CSMD1: variants seen among roughly 807,000 people sequenced by gnomAD.
CSMD1 encodes CUB and sushi domain-containing protein 1.
A neutral mutation model predicts 417.5 loss-of-function variants in CSMD1; 213 were observed. That is an observed-to-expected ratio of 0.51 (90% CI 0.46 to 0.57). The LOEUF (loss-of-function observed/expected upper bound fraction) is 0.57, where lower values mean the gene tolerates loss of function less well. Ranked by LOEUF, CSMD1 falls within the 20% of genes least tolerant of loss-of-function variation. The pLI is 0.00. For missense variants in CSMD1, 6,923 were observed against 4,529.7 expected (o/e 1.53, Z -15.17); for synonymous variants, 2,862 against 1,736.8 (o/e 1.65, Z -16.11).
At chr8:4,172,979 G>C (rs1234452225) in intron 3 of CSMD1, among the ~76,000 whole-genome samples, 5 of 152,134 alleles carry the variant, frequency 3.3e-5, no homozygotes, top group African/African-American at 4.8e-5. Context: ...ACCATGCTCA[G>C]ATTCCTGACC....
chr8:3,259,174 A>G (rs1800874113), intron 26 of CSMD1, among the ~76,000 whole-genome samples: 1 of 152,242 alleles, frequency 6.6e-6, no homozygotes. Context: ...TCTTATTAGT[A>G]TGGACTCATA....
intron 3 of CSMD1, among the ~76,000 whole-genome samples, chr8:4,199,390 GT>G (rs1799521743): frequency 6.6e-6 from 1 of 152,204 alleles, no homozygotes; most frequent in Non-Finnish European, 1.5e-5. Flanking sequence ...GTGTGGTGGA[GT>G]GAAAAGAATG....
At chr8:3,567,187 A>G (rs551295242) in intron 10 of CSMD1, among the ~76,000 whole-genome samples, 33 of 152,296 alleles carry the variant, frequency 2.2e-4, no homozygotes, top group African/African-American at 5.8e-4. Flanking sequence ...CAAATACTGC[A>G]TGTTCTCACT....
At chr8:4,741,173 AT>A (rs1810579883) in intron 1 of CSMD1, among the ~76,000 whole-genome samples, 1 of 152,144 alleles carries the variant, frequency 6.6e-6, no homozygotes, top group South Asian at 2.1e-4. Context: ...CTAGACACTT[AT>A]GTAAGTGTCA....
chr8:4,690,949 G>GTGAAAGA (rs1806726274), intron 1 of CSMD1, among the ~76,000 whole-genome samples: 1 of 152,114 alleles, frequency 6.6e-6, no homozygotes, highest in Non-Finnish European at 1.5e-5. Context: ...GGCTGGTCTT[G>GTGAAAGA]CTCTCTTGAG....
intron 3 of CSMD1, among the ~76,000 whole-genome samples, chr8:4,341,733 G>A (rs542245759): frequency 2.6e-5 from 4 of 152,224 alleles, no homozygotes; most frequent in African/African-American, 9.6e-5. Context: ...CAACAAATTA[G>A]AATTAGGCAG....
chr8:3,440,299 T>G lies in CSMD1; in HGVS notation c.1561+28413A>C, dbSNP rs569651768. The stretch of plus-strand genomic sequence containing the variant: ...ACATGAACATACTATATCTCTCTAC[T>G]TATTTTGATCTTTGGTTTCTTTCAA... On this transcript the variant is annotated intron_variant, in intron 12 of 69. Transcript: ENST00000635120. Among the ~76,000 whole-genome samples, 20 of 152,332 alleles carry G rather than the reference T, an allele frequency of 1.3e-4. No homozygotes were observed. In the South Asian group the frequency reaches 3.9e-3, roughly 30 times the overall value.
At chr8:4,128,933 G>C (rs954268083) in intron 3 of CSMD1, among the ~76,000 whole-genome samples, 2 of 151,696 alleles carry the variant, frequency 1.3e-5, no homozygotes, top group Non-Finnish European at 2.9e-5. Flanking sequence ...TGTTTTAGCC[G>C]GGCATGGTGG....
intron 3 of CSMD1, among the ~76,000 whole-genome samples, chr8:4,167,021 G>C (rs1797495644): frequency 6.6e-6 from 1 of 152,254 alleles, no homozygotes; most frequent in Middle Eastern, 3.4e-3. Flanking sequence ...ATCTTTTTGT[G>C]TTTCCCAGGG....
chr8:4,992,157 C>T (rs542687811), intron 1 of CSMD1, among the ~76,000 whole-genome samples: 1 of 152,294 alleles, frequency 6.6e-6, no homozygotes, highest in South Asian at 2.1e-4. Context: ...GACTTTGCAA[C>T]CCCTGCCCTG....
chr8:3,200,388 C>G (rs1796931551), intron 32 of CSMD1, among the ~76,000 whole-genome samples: 1 of 151,624 alleles, frequency 6.6e-6, no homozygotes, highest in Admixed American at 6.6e-5. Context: ...AACCACGTCT[C>G]TACTAAAAAT....
At chr8:3,635,735 G>A (rs1370903795) in intron 7 of CSMD1, among the ~76,000 whole-genome samples, 1 of 144,616 alleles carries the variant, frequency 6.9e-6, no homozygotes, top group African/African-American at 2.6e-5. Flanking sequence ...TGCCCGCCTC[G>A]GCCTCCCGAA....
intron 3 of CSMD1, among the ~76,000 whole-genome samples, chr8:4,116,267 T>C (rs746803844): frequency 6.6e-6 from 1 of 152,226 alleles, no homozygotes; most frequent in South Asian, 2.1e-4. Context: ...GTGCTGGGAT[T>C]ACAAGTGTGA....
intron 4 of CSMD1, among the ~76,000 whole-genome samples, chr8:4,010,258 C>G (rs753878930): frequency 7.9e-5 from 12 of 152,104 alleles, no homozygotes; most frequent in Non-Finnish European, 1.2e-4. Context: ...ATGGTCTTCC[C>G]TCCCTCATGT....
At chr8:4,405,972 C>G (rs1031658954) in intron 3 of CSMD1, among the ~76,000 whole-genome samples, 1 of 152,152 alleles carries the variant, frequency 6.6e-6, no homozygotes, top group African/African-American at 2.4e-5. Context: ...GCTCGCCTGT[C>G]CTGTAACAGA....
intron 10 of CSMD1, 119 bp downstream of exon 10, chr8:3,574,826 T>A: frequency 4.1e-6 from 5 of 1,227,898 alleles, no homozygotes; most frequent in Non-Finnish European, 5.6e-6. Flanking sequence ...AGCTGGAACT[T>A]TTAAATTCAA....
intron 1 of CSMD1, among the ~76,000 whole-genome samples, chr8:4,971,187 G>A (rs1232502706): frequency 6.6e-6 from 1 of 151,922 alleles, no homozygotes; most frequent in Non-Finnish European, 1.5e-5. Context: ...CAAAAACAAA[G>A]CATATGCTGA....
At chr8:2,944,570 G>C (rs915978870) in intron 68 of CSMD1, among the ~76,000 whole-genome samples, 1 of 152,156 alleles carries the variant, frequency 6.6e-6, no homozygotes, top group Admixed American at 6.5e-5. Flanking sequence ...TAACTTTCCT[G>C]AAGCCAGGGA....
At chr8:4,892,758 C>G (rs1160672058) in intron 1 of CSMD1, among the ~76,000 whole-genome samples, 3 of 151,874 alleles carry the variant, frequency 2.0e-5, no homozygotes, top group African/African-American at 7.3e-5. Context: ...CATTTTTATT[C>G]TTTGTATTAT....
Sources: gnomAD v4.1 joint callset for allele counts (sites outside exome capture counted in the v4.1 genomes callset) on GRCh38, gnomAD v4.1.1 for gene constraint, MANE v1.5 for transcripts, NCBI Gene and HGNC (gene_info 2026-07-23, HGNC 2026-07-21) for gene names.